The following F2R variants were observed in gnomAD, a reference collection of about 807,000 sequenced individuals.
The protein encoded by F2R is proteinase-activated receptor 1.
Under a neutral mutation model 18.3 loss-of-function variants are expected in F2R, and 12 were observed. The ratio of observed to expected loss-of-function variants is 0.66; its 90% CI spans 0.42 to 1.06. The LOEUF (loss-of-function observed/expected upper bound fraction) is 1.06. F2R is among the 50% of genes least tolerant of loss of function. F2R has a pLI of 0.00. For missense variants in F2R, 438 were observed against 530.8 expected (o/e 0.83, Z 1.72); for synonymous variants, 210 against 219.9 (o/e 0.95, Z 0.40).
intron 1 of F2R, among the ~76,000 whole-genome samples, chr5:76,726,694 C>G (rs1748565855): frequency 6.6e-6 from 1 of 151,874 alleles, no homozygotes; most frequent in South Asian, 2.1e-4. Flanking sequence ...GAGCAAGACT[C>G]CATCTCAAAA....
chr5:76,716,270 G>T lies in F2R; in HGVS notation c.-38G>T. 1.5e-6 allele frequency: 2 copies of T among 1,334,786 alleles called. No homozygotes were observed. The highest frequency in any genetic ancestry group is 1.9e-6 in the Non-Finnish European group (2 of 1,046,340). 82.7% of individuals were successfully genotyped at this position (1,334,786 alleles called of 1,614,324 possible). A position where few individuals can be genotyped will look rare whatever the true frequency, so the allele number is the denominator to read the frequency against. On this transcript the variant is annotated 5_prime_UTR_variant, in exon 1 of 2. Coordinates refer to ENST00000319211, the MANE Select transcript of F2R (RefSeq NM_001992.5). Reference sequence around the variant, plus strand: ...GTGAAGCGGAGCAGCCCGAGGCGGGGCAGCCTCCCGGAGCAGCGCCGCGCA... The same window carrying T: ...GTGAAGCGGAGCAGCCCGAGGCGGGTCAGCCTCCCGGAGCAGCGCCGCGCA...
chr5:76,717,294 T>C (rs1748364488), intron 1 of F2R, among the ~76,000 whole-genome samples: 1 of 152,264 alleles, frequency 6.6e-6, no homozygotes, highest in African/African-American at 2.4e-5. Context: ...AGATGAGTTG[T>C]TTTTAGCCTG....
chr5:76,734,472 C>T lies in F2R; in HGVS notation c.*969C>T, dbSNP rs1748744769. 1 of 152,152 alleles carries T rather than the reference C, an allele frequency of 6.6e-6. No homozygotes were observed. The highest frequency in any genetic ancestry group is 2.4e-5 in the African/African-American group (1 of 41,382). 9.4% of individuals were successfully genotyped at this position (152,152 alleles called of 1,614,324 possible). On this transcript the variant is annotated 3_prime_UTR_variant, in exon 2 of 2. Transcript: ENST00000319211. ...AACTGGCAAAGCAGAATGTGATATC[C>T]TAGGAGGTAATGACCATGAAAGACT...
At chr5:76,721,182 T>C (rs932883969) in intron 1 of F2R, among the ~76,000 whole-genome samples, 6 of 152,202 alleles carry the variant, frequency 3.9e-5, no homozygotes, top group African/African-American at 1.4e-4. Flanking sequence ...TTAGAAGAGT[T>C]ATTAGGACTC....
At chr5:76,730,906 A>C (rs1473278790) in intron 1 of F2R, among the ~76,000 whole-genome samples, 1 of 152,238 alleles carries the variant, frequency 6.6e-6, no homozygotes, top group Non-Finnish European at 1.5e-5. Flanking sequence ...ATTACAGAGG[A>C]TACAGATGAA....
chr5:76,722,769 G>C (rs1748488791), intron 1 of F2R, among the ~76,000 whole-genome samples: 1 of 152,074 alleles, frequency 6.6e-6, no homozygotes, highest in Non-Finnish European at 1.5e-5. Flanking sequence ...TGGCCAACAT[G>C]GTGAAACCCT....
In F2R at chr5:76,733,997, AC is replaced by A. The variant is rs1180985104; in HGVS notation, c.*496del. On this transcript the variant is annotated 3_prime_UTR_variant, in exon 2 of 2. Transcript: ENST00000319211. ...GAGAGACTCCATAGTTTGGGCTTGT[AC>A]CACTTTTGCAAATAAGTGTATTTTG... 6.4e-6 allele frequency: 1 copy of A among 155,082 alleles called. No individual in the cohort carries two copies. Among genetic ancestry groups the A allele is most frequent in the Non-Finnish European group, 1.4e-5 (1 of 69,860 alleles). 9.6% of individuals were successfully genotyped at this position (155,082 alleles called of 1,614,324 possible).
intron 1 of F2R, among the ~76,000 whole-genome samples, chr5:76,723,135 T>A (rs948031740): frequency 6.6e-6 from 1 of 152,156 alleles, no homozygotes; most frequent in Non-Finnish European, 1.5e-5. Flanking sequence ...TTGGCATGTG[T>A]GGTTGGTGTG....
chr5:76,719,014 T>C (rs1748395183), intron 1 of F2R, among the ~76,000 whole-genome samples: 2 of 152,022 alleles, frequency 1.3e-5, no homozygotes, highest in African/African-American at 2.4e-5. Context: ...CCCAGCCCCA[T>C]CCTCTAGATC....
chr5:76,732,223 A>G (rs1748680475), intron 1 of F2R, 91 bp from the exon 2 acceptor site: 2 of 1,040,602 alleles, frequency 1.9e-6, no homozygotes, highest in African/African-American at 1.6e-5. Flanking sequence ...GAAAACATAA[A>G]CAAAAGTAAA....
chr5:76,729,312 A>G (rs1344640727), intron 1 of F2R, among the ~76,000 whole-genome samples: 1 of 152,214 alleles, frequency 6.6e-6, no homozygotes, highest in Non-Finnish European at 1.5e-5. Flanking sequence ...TTCTTTTGAA[A>G]AATGTCTATT....
At position 76,733,402 on chromosome 5, in the gene F2R, G is replaced by A. The variant is rs544069543; in HGVS notation, c.1177G>A (p.Asp393Asn). Residue 393 changes from aspartate (D) to asparagine (N), a missense_variant, in exon 2 of 2, where the codon GAT (aspartate) becomes AAT (asparagine). By Grantham distance (23) the Asp-to-Asn change is conservative. Transcript: ENST00000319211. ...TATCTTATGCTGCAAAGAAAGTTCCGATCCCAGCAGTTATAACAGCAGTGG... is the reference window on the plus strand; with the variant it reads ...TATCTTATGCTGCAAAGAAAGTTCCAATCCCAGCAGTTATAACAGCAGTGG... The part of the protein sequence containing the change: ...YSILCCKESS[D>N]PSSYNSSGQL... The A allele has an allele frequency of 8.0e-5, 129 of 1,614,136 alleles. No individual in the cohort carries two copies. The South Asian group carries it at 1.2e-3, about 15-fold the overall frequency.
chr5:76,717,461 T>G (rs1748368245), intron 1 of F2R, among the ~76,000 whole-genome samples: 1 of 151,872 alleles, frequency 6.6e-6, no homozygotes, highest in African/African-American at 2.4e-5. Context: ...GCTCCCACAC[T>G]CAAAAAAAAG....
rs1224605686 is a variant in F2R at position 76,721,298 on chromosome 5, C to T, written c.88+4903C>T. Among the ~76,000 whole-genome samples the T allele has an allele frequency of 3.3e-5, 5 of 152,164 alleles. No homozygotes were observed. In the East Asian group the frequency reaches 7.7e-4, roughly 23 times the overall value. On this transcript the variant is annotated intron_variant, in intron 1 of 1. Transcript: ENST00000319211. ...CTTTTTTGCGATTTCTTTCATTCTGCCTTTTTCTTTCTCTTGCTTGTGCCT... is the reference window on the plus strand; with the variant it reads ...CTTTTTTGCGATTTCTTTCATTCTGTCTTTTTCTTTCTCTTGCTTGTGCCT...
At position 76,733,138 on chromosome 5, in the gene F2R, C is replaced by T. The variant is rs754309223; in HGVS notation, c.913C>T (p.Arg305Cys). The T allele has an allele frequency of 3.7e-6, 6 of 1,614,198 alleles. No individual in the cohort carries two copies. The highest frequency in any genetic ancestry group is 2.2e-5 in the South Asian group (2 of 91,080). The part of the protein sequence containing the change: ...RCLSSSAVAN[R>C]SKKSRALFLS... ...TCTTAGCTCTTCCGCAGTTGCCAAC[C>T]GCAGCAAGAAGTCCCGGGCTTTGTT... Residue 305 changes from arginine to cysteine, a missense_variant, in exon 2 of 2, where the codon CGC (arginine) becomes TGC (cysteine). Transcript: ENST00000319211.
intron 1 of F2R, among the ~76,000 whole-genome samples, chr5:76,729,606 T>C (rs777218710): frequency 2.0e-5 from 3 of 152,248 alleles, no homozygotes; most frequent in Non-Finnish European, 4.4e-5. Context: ...TTTTCCTCTA[T>C]GTTTTCTGCT....
At chr5:76,730,447 C>T (rs1168821933) in intron 1 of F2R, among the ~76,000 whole-genome samples, 1 of 152,136 alleles carries the variant, frequency 6.6e-6, no homozygotes, top group African/African-American at 2.4e-5. Context: ...GTTATATAGG[C>T]ACTGCTGTTA....
intron 1 of F2R, among the ~76,000 whole-genome samples, chr5:76,721,096 C>G (rs1748444536): frequency 6.6e-6 from 1 of 152,204 alleles, no homozygotes; most frequent in African/African-American, 2.4e-5. Flanking sequence ...CGTGAGCCAC[C>G]ATGCCCAGTC....
Position 76,734,869 on chromosome 5 carries a change from A to G in F2R, c.*1366A>G, listed in dbSNP as rs2227801. ...AGTCTGATTTAATTGGGCACTATTT[A>G]TTTACAAATGTTTTGCTCAATAGAT... On this transcript the variant is annotated 3_prime_UTR_variant, in exon 2 of 2. Transcript: ENST00000319211. 1 of 152,358 alleles carries G rather than the reference A, an allele frequency of 6.6e-6. No homozygotes were observed. Among genetic ancestry groups the G allele is most frequent in the African/African-American group, 2.4e-5 (1 of 41,450 alleles). 9.4% of individuals were successfully genotyped at this position (152,358 alleles called of 1,614,324 possible).
Sources: gnomAD v4.1 joint callset for allele counts (sites outside exome capture counted in the v4.1 genomes callset) on GRCh38, gnomAD v4.1.1 for gene constraint, MANE v1.5 for transcripts, NCBI Gene and HGNC (gene_info 2026-07-23, HGNC 2026-07-21) for gene names.